Variants in NHSL2 observed in about 807,000 individuals in gnomAD.
NHSL2 encodes NHS like 2.
Under a neutral mutation model 53.4 loss-of-function variants are expected in NHSL2, and 27 were observed. The ratio of observed to expected loss-of-function variants is 0.51; its 90% confidence interval spans 0.37 to 0.70. The LOEUF (loss-of-function observed/expected upper bound fraction) is 0.70, where lower values mean the gene tolerates loss of function less well. Among genes scored for constraint, NHSL2 ranks in the 30% least tolerant of loss-of-function variants. The pLI is 0.00. For missense variants in NHSL2, 892 were observed against 980.1 expected, an observed-to-expected ratio of 0.91 and a Z score of 1.20; for synonymous variants, 408 against 404.1, an observed-to-expected ratio of 1.01 and a Z score of -0.12.
At chrX:72,045,529 C>T (rs924581478) in intron 1 of NHSL2, among the ~76,000 whole-genome samples, 4 of 111,618 alleles carry the variant, frequency 3.6e-5, no homozygotes, top group Non-Finnish European at 5.7e-5. Flanking sequence ...CTCTGGGGCT[C>T]AGCTTGCTTC....
rs267606504 is a variant in NHSL2 at position 72,129,899 on chromosome X, G to C, written c.281-2180G>C. The C allele has an allele frequency of 2.5e-6, 3 of 1,210,654 alleles. No homozygotes were observed. In the East Asian group the frequency reaches 8.9e-5, roughly 36 times the overall value. On this transcript the variant is annotated intron_variant, in intron 1 of 7. Transcript: ENST00000633930. ...CTCGGAGTGAGGCGGAAAAGCACAG[G>C]GGGGCGTCTTCGAACTTGGCGTTGT...
chrX:72,132,010 C>T lies in NHSL2; in HGVS notation c.281-69C>T, dbSNP rs926432953. 49 of 1,104,424 alleles carry T rather than the reference C, an allele frequency of 4.4e-5. No homozygotes were observed. The African/African-American group carries it at 7.5e-4, about 17-fold the overall frequency. The allele number at this position is 1,104,424 out of a possible 1,213,427, so 91.0% of individuals were successfully genotyped here. A position where few individuals can be genotyped will look rare whatever the true frequency, so the allele number is the denominator to read the frequency against. ...GGCGGGCCTTGGGGAACCGCGGGCG[C>T]CCACTGGCCGCCGCGCGCCGCTCCC... On this transcript the variant is annotated intron_variant, in intron 1 of 7. Transcript: ENST00000633930.
At chrX:71,997,012 A>G (rs1371427810) in intron 1 of NHSL2, among the ~76,000 whole-genome samples, 2 of 112,568 alleles carry the variant, frequency 1.8e-5, no homozygotes. Flanking sequence ...TCCATGTGAT[A>G]AACTATTTTC....
intron 1 of NHSL2, among the ~76,000 whole-genome samples, chrX:71,951,039 C>CACACACAA (rs1224072950): frequency 2.7e-5 from 3 of 109,313 alleles, no homozygotes; most frequent in African/African-American, 3.3e-5. Context: ...CACACACACA[C>CACACACAA]AAATACCTGG....
chrX:72,077,095 C>G (rs907358169), intron 1 of NHSL2, among the ~76,000 whole-genome samples: 1 of 110,608 alleles, frequency 9.0e-6, no homozygotes, highest in Non-Finnish European at 1.9e-5. Context: ...CAGAGATGTG[C>G]AATCCCCTCC....
intron 1 of NHSL2, among the ~76,000 whole-genome samples, chrX:72,070,780 C>A (rs1040271036): frequency 1.8e-5 from 2 of 110,499 alleles, no homozygotes; most frequent in Non-Finnish European, 3.8e-5. Context: ...TCGCATCACA[C>A]AGAGTCCAGG....
At chrX:72,020,491 C>T (rs1172857015) in intron 1 of NHSL2, among the ~76,000 whole-genome samples, 2 of 112,841 alleles carry the variant, frequency 1.8e-5, no homozygotes, top group Non-Finnish European at 3.7e-5. Context: ...TGGACGCAAA[C>T]CACTATATGG....
Position 72,152,909 on chromosome X carries a change from T to C in NHSL2, c.*9335T>C, listed in dbSNP as rs187785807. The C allele has an allele frequency of 8.9e-6, 1 of 112,273 alleles. No homozygotes were observed. Among genetic ancestry groups the C allele is most frequent in the East Asian group, 2.8e-4 (1 of 3,567 alleles). The allele number at this position is 112,273 out of a possible 1,213,427, so 9.3% of individuals were successfully genotyped here. ...TAGTATGCAGTCAAGAGGTGGACTT[T>C]TGTTAAGTTAGCCCTTACCATTTAG... On this transcript the variant is annotated 3_prime_UTR_variant, in exon 8 of 8. Transcript: ENST00000633930.
At chrX:72,100,022 A>G (rs752664428) in intron 1 of NHSL2, among the ~76,000 whole-genome samples, 45 of 111,418 alleles carry the variant, frequency 4.0e-4, no homozygotes, top group South Asian at 1.9e-3. Flanking sequence ...ATGGATTAGA[A>G]GGTCAGACAT....
At chrX:71,991,676 G>T (rs2042027138) in intron 1 of NHSL2, among the ~76,000 whole-genome samples, 1 of 112,777 alleles carries the variant, frequency 8.9e-6, no homozygotes. Context: ...TATACAGAGG[G>T]CACTGGTTGC....
At chrX:71,995,009 G>A (rs2042043920) in intron 1 of NHSL2, among the ~76,000 whole-genome samples, 1 of 111,680 alleles carries the variant, frequency 9.0e-6, no homozygotes, top group Non-Finnish European at 1.9e-5. Flanking sequence ...CCCTGGCCTT[G>A]CCCCCCAAAC....
At chrX:71,963,978 T>TATATATGTGTATATATATATAC (rs2041882450) in intron 1 of NHSL2, among the ~76,000 whole-genome samples, 2 of 42,129 alleles carry the variant, frequency 4.7e-5, no homozygotes, top group Admixed American at 3.4e-4. Flanking sequence ...TATATACATA[T>TATATATGTGTATATATATATAC]ATATATATAT....
At chrX:71,984,916 C>T (rs1030459890) in intron 1 of NHSL2, among the ~76,000 whole-genome samples, 2 of 108,909 alleles carry the variant, frequency 1.8e-5, no homozygotes, top group Admixed American at 9.7e-5. Flanking sequence ...CTCTGCCTCC[C>T]GGGTTCATGC....
At chrX:71,948,854 T>TG (rs1427932850) in intron 1 of NHSL2, among the ~76,000 whole-genome samples, 2 of 106,271 alleles carry the variant, frequency 1.9e-5, no homozygotes, top group Non-Finnish European at 3.9e-5. Context: ...TAGTTTTGTT[T>TG]TTTTTTTTTT....
At chrX:72,130,898 C>T in intron 1 of NHSL2, 1 of 1,211,836 alleles carries the variant, frequency 8.3e-7, no homozygotes, top group Non-Finnish European at 1.1e-6. Context: ...GGGAAGTTGG[C>T]ATGCAAGGGG....
intron 1 of NHSL2, among the ~76,000 whole-genome samples, chrX:71,970,535 G>C (rs2041920744): frequency 9.2e-6 from 1 of 108,386 alleles, no homozygotes; most frequent in Admixed American, 9.8e-5. Flanking sequence ...CATAGTATTT[G>C]TTTATTTCTC....
At chrX:72,130,232 C>T in intron 1 of NHSL2, 1 of 1,210,437 alleles carries the variant, frequency 8.3e-7, no homozygotes, top group Non-Finnish European at 1.1e-6. Flanking sequence ...TGCTGTGGCT[C>T]TCCTTCTGGT....
intron 1 of NHSL2, among the ~76,000 whole-genome samples, chrX:72,100,701 A>G (rs150139475): frequency 3.7e-3 from 421 of 112,339 alleles, no homozygotes; most frequent in Middle Eastern, 9.2e-3. Context: ...GCTCCTTATA[A>G]GAATCTAACT....
In NHSL2 at chrX:72,144,634, A is replaced by G. The variant is rs1297897933; in HGVS notation, c.*1060A>G. On this transcript the variant is annotated 3_prime_UTR_variant, in exon 8 of 8. Coordinates refer to ENST00000633930, the MANE Select transcript of NHSL2 (RefSeq NM_001013627.3). ...AAGTCCGACTCTGTTCCAAAAACCA[A>G]GAACATATAAACTAAAAGGATCTAT... The G allele has an allele frequency of 1.3e-6, 1 of 775,806 alleles. No individual in the cohort carries two copies. Among genetic ancestry groups the G allele is most frequent in the Non-Finnish European group, 1.8e-6 (1 of 554,552 alleles). The allele number at this position is 775,806 out of a possible 1,213,427, so 63.9% of individuals were successfully genotyped here.
Sources: gnomAD v4.1 joint callset for allele counts (sites outside exome capture counted in the v4.1 genomes callset) on GRCh38, gnomAD v4.1.1 for gene constraint, MANE v1.5 for transcripts, NCBI Gene and HGNC (gene_info 2026-07-23, HGNC 2026-07-21) for gene names.